RIT1: variants seen among roughly 807,000 people sequenced by gnomAD.
RIT1 encodes GTP-binding protein Rit1.
A neutral mutation model predicts 25.6 loss-of-function variants in RIT1; 6 were observed. The observed-to-expected ratio is 0.23, with a 90% CI of 0.13 to 0.46. RIT1 has a LOEUF of 0.46. RIT1 is among the 20% of genes least tolerant of loss of function. The pLI, the probability that RIT1 is intolerant of heterozygous loss-of-function variation, is 0.99. For missense variants in RIT1, 219 were observed against 284.4 expected (o/e 0.77, Z 1.65); for synonymous variants, 81 against 94.1 (o/e 0.86, Z 0.80).
intron 5 of RIT1, among the ~76,000 whole-genome samples, chr1:155,902,119 G>A (rs901713792): frequency 6.6e-5 from 10 of 152,030 alleles, no homozygotes; most frequent in African/African-American, 2.2e-4. Context: ...TGTAGCCTCT[G>A]GGAAAAAACA....
chr1:155,909,063 T>C (rs1484337592), intron 3 of RIT1, among the ~76,000 whole-genome samples: 4 of 151,970 alleles, frequency 2.6e-5, no homozygotes, highest in Non-Finnish European at 4.4e-5. Flanking sequence ...ACTAGGATCA[T>C]GGCAAAGAGT....
rs543706593 is a variant in RIT1 at position 155,898,541 on chromosome 1, A to ATATATC, written c.*1846_*1847insGATATA. On this transcript the variant is annotated 3_prime_UTR_variant, in exon 6 of 6. Coordinates refer to ENST00000368323, the MANE Select transcript of RIT1 (RefSeq NM_006912.6). ...AAAATATATATATATATATATATAT[A>ATATATC]TATCTCTTAATGTTAATAACAATTC... The ATATATC allele has an allele frequency of 0.011, 1,291 of 116,596 alleles. 38 individuals are homozygous for ATATATC. Among genetic ancestry groups the ATATATC allele is most frequent in the Non-Finnish European group, 0.017 (979 of 57,576 alleles). 7.2% of individuals were successfully genotyped at this position (116,596 alleles called of 1,614,324 possible). A position where few individuals can be genotyped will look rare whatever the true frequency, so the allele number is the denominator to read the frequency against.
In RIT1 at chr1:155,898,511, A is replaced by AT. The variant is rs1557956820; in HGVS notation, c.*1876_*1877insA. On this transcript the variant is annotated 3_prime_UTR_variant, in exon 6 of 6. Coordinates refer to ENST00000368323, the MANE Select transcript of RIT1 (RefSeq NM_006912.6). ...TCTATTTAAAAAAAAAAAAAAAAAAAAAAAAAAATATATATATATATATAT... is the reference window on the plus strand; with the variant it reads ...TCTATTTAAAAAAAAAAAAAAAAAAATAAAAAAAATATATATATATATATAT... The AT allele has an allele frequency of 1.5e-4, 17 of 112,404 alleles. No individual in the cohort carries two copies. Among genetic ancestry groups the AT allele is most frequent in the East Asian group, 4.4e-4 (1 of 2,272 alleles). 7.0% of individuals were successfully genotyped at this position (112,404 alleles called of 1,614,324 possible).
intron 3 of RIT1, among the ~76,000 whole-genome samples, chr1:155,906,120 C>T (rs1673434360): frequency 6.6e-6 from 1 of 152,012 alleles, no homozygotes; most frequent in Non-Finnish European, 1.5e-5. Context: ...TGAGCCACTG[C>T]ACCCGGTCTA....
In RIT1 at chr1:155,904,358, G is replaced by A. The variant is rs1251455206; in HGVS notation, c.382C>T (p.Pro128Ser). The A allele has an allele frequency of 6.2e-7, 1 of 1,614,006 alleles. No homozygotes were observed. The change falls in exon 5 of 6, where the codon CCT (proline) becomes TCT (serine). Residue 128 changes from proline to serine, a missense_variant. Coordinates refer to ENST00000368323, the MANE Select transcript of RIT1 (RefSeq NM_006912.6). ...IYRVRRTDDTPVVLVGNKSDL... is the reference protein window; with the variant it reads ...IYRVRRTDDTSVVLVGNKSDL... ...GACTTGTTTCCCACAAGAACCACAG[G>A]TGTATCGTCAGTACGTCGGACTCGA... is the stretch of plus-strand genomic sequence containing the variant.
intron 3 of RIT1, among the ~76,000 whole-genome samples, chr1:155,905,159 A>G (rs1179158379): frequency 1.3e-5 from 2 of 152,084 alleles, no homozygotes; most frequent in African/African-American, 4.8e-5. Context: ...GTTTGAGCCC[A>G]GGAGTTCAAG....
intron 5 of RIT1, among the ~76,000 whole-genome samples, chr1:155,902,645 C>A (rs1034037543): frequency 2.6e-5 from 4 of 151,012 alleles, no homozygotes; most frequent in Non-Finnish European, 4.4e-5. Context: ...ACTTCAAGAC[C>A]AGCCCGGCCA....
intron 5 of RIT1, among the ~76,000 whole-genome samples, chr1:155,901,712 G>C (rs2102582112): frequency 6.6e-6 from 1 of 152,216 alleles, no homozygotes; most frequent in East Asian, 1.9e-4. Flanking sequence ...CAGCTACTCA[G>C]GAGGCTAAGG....
At chr1:155,905,008 T>C (rs1168371975) in intron 3 of RIT1, among the ~76,000 whole-genome samples, 1 of 152,206 alleles carries the variant, frequency 6.6e-6, no homozygotes, top group African/African-American at 2.4e-5. Context: ...ATGTAGTTTA[T>C]TCACAGCTGA....
chr1:155,901,569 C>T (rs1001732105), intron 5 of RIT1, among the ~76,000 whole-genome samples: 9 of 151,864 alleles, frequency 5.9e-5, no homozygotes, highest in African/African-American at 9.7e-5. Flanking sequence ...ACCTGGGAGG[C>T]GGAGGTTACA....
intron 3 of RIT1, among the ~76,000 whole-genome samples, chr1:155,906,762 C>CA (rs59899087): frequency 0.24 from 5,880 of 24,720 alleles, 388 homozygotes; most frequent in African/African-American, 0.33. Context: ...TTCTCCGTCT[C>CA]AAAAAAAAAA....
chr1:155,903,693 G>A (rs1004517757), intron 5 of RIT1, among the ~76,000 whole-genome samples: 1 of 152,060 alleles, frequency 6.6e-6, no homozygotes, highest in Non-Finnish European at 1.5e-5. Flanking sequence ...TAACAGAGAA[G>A]CATTATGAAT....
intron 2 of RIT1, 70 bp from the exon 3 acceptor site, chr1:155,910,576 T>G: frequency 6.2e-7 from 1 of 1,607,930 alleles, no homozygotes; most frequent in African/African-American, 1.3e-5. Context: ...AGTATTAACA[T>G]TGCAAGATAG....
chr1:155,903,289 C>T (rs1051023160), intron 5 of RIT1, among the ~76,000 whole-genome samples: 2 of 147,538 alleles, frequency 1.4e-5, no homozygotes, highest in South Asian at 2.2e-4. Context: ...GACAAGACTC[C>T]GTCTCAAAAA....
intron 3 of RIT1, among the ~76,000 whole-genome samples, chr1:155,909,003 C>T (rs1571998026): frequency 6.6e-6 from 1 of 151,970 alleles, no homozygotes; most frequent in Non-Finnish European, 1.5e-5. Flanking sequence ...ATTGGCTTTG[C>T]GGGAAACAGA....
At position 155,904,811 on chromosome 1, in the gene RIT1, G is replaced by A. The variant is rs1325996572; in HGVS notation, c.164-7C>T. The A allele has an allele frequency of 6.3e-7, 1 of 1,598,130 alleles. No individual in the cohort carries two copies. The highest frequency in any genetic ancestry group is 8.6e-7 in the Non-Finnish European group (1 of 1,165,678). On this transcript the variant is annotated splice_polypyrimidine_tract_variant and splice_region_variant and intron_variant, in intron 3 of 5. Coordinates refer to ENST00000368323, the MANE Select transcript of RIT1 (RefSeq NM_006912.6). Reference sequence around the variant, plus strand: ...CTGATCTTATAAGCATCTTCTACAGGAGGGAAGAAAGGTGTACTATAAAGT... The same window carrying A: ...CTGATCTTATAAGCATCTTCTACAGAAGGGAAGAAAGGTGTACTATAAAGT...
rs1474550449 is a variant in RIT1 at position 155,910,451 on chromosome 1, A to T, written c.162T>A (p.Ile54=). 1.2e-6 allele frequency: 2 copies of T among 1,612,900 alleles called. No homozygotes were observed. The highest frequency in any genetic ancestry group is 1.7e-6 in the Non-Finnish European group (2 of 1,178,832). The change falls in exon 3 of 6, where the codon ATT becomes ATA. Residue 54 remains isoleucine, a splice_region_variant and synonymous_variant. Coordinates refer to ENST00000368323, the MANE Select transcript of RIT1 (RefSeq NM_006912.6). ...HRFPEDHDPT[I]EDAYKIRIRI... ...AACATAAGTGATGATCTGGCTTACC[A>T]ATGGTGGGATCATGATCTTCTGGGA... is the stretch of plus-strand genomic sequence containing the variant.
chr1:155,902,144 T>C (rs895975061), intron 5 of RIT1, among the ~76,000 whole-genome samples: 1 of 152,056 alleles, frequency 6.6e-6, no homozygotes, highest in African/African-American at 2.4e-5. Context: ...TGTTACAGTG[T>C]TTTTTGTAGA....
At chr1:155,910,955 C>G in intron 1 of RIT1, 151 bp from the exon 2 acceptor site, 1 of 1,425,032 alleles carries the variant, frequency 7.0e-7, no homozygotes. Context: ...TTCGGGTGGC[C>G]CTAAGAAACC....
Sources: allele counts gnomAD v4.1 joint callset (sites outside exome capture counted in the v4.1 genomes callset), GRCh38; gene constraint gnomAD v4.1.1; transcripts MANE v1.5; gene names NCBI Gene and HGNC (gene_info 2026-07-23, HGNC 2026-07-21).